HTR1A: variants seen among roughly 807,000 people sequenced by gnomAD.
The protein encoded by HTR1A is 5-hydroxytryptamine receptor 1A.
A neutral mutation model predicts 24.6 loss-of-function variants in HTR1A; 17 were observed. The ratio of observed to expected loss-of-function variants is 0.69; its 90% CI spans 0.47 to 1.04. The LOEUF is 1.04. HTR1A is among the 50% of genes least tolerant of loss of function. HTR1A has a pLI of 0.00. For synonymous variants in HTR1A, 262 were observed against 244.6 expected (o/e 1.07, Z -0.67); for missense variants, 515 against 565.1 (o/e 0.91, Z 0.90).
rs1194445501 is a variant in HTR1A at position 63,959,380 on chromosome 5, C to T, written c.*1071G>A. ...GCTTCAGGGCGCCCCAGAGCGTAGG[C>T]GGAGGAACCCAGATCCTGTAAGTCA... On this transcript the variant is annotated 3_prime_UTR_variant, in exon 1 of 1. Coordinates refer to ENST00000323865, the MANE Select transcript of HTR1A (RefSeq NM_000524.4). 6.6e-6 allele frequency among the ~76,000 whole-genome samples: 1 copy of T among 152,230 alleles called. No homozygotes were observed. The highest frequency in any genetic ancestry group is 2.4e-5 in the African/African-American group (1 of 41,464).
rs1746410931 is a variant in HTR1A at position 63,960,706 on chromosome 5, G to T, written c.1014C>A (p.Ala338=). 6.2e-7 allele frequency: 1 copy of T among 1,614,092 alleles called. No individual in the cohort carries two copies. The highest frequency in any genetic ancestry group is 1.7e-5 in the Admixed American group (1 of 60,014). ...NAEAKRKMAL[A]RERKTVKTLG... is the part of the protein sequence containing the mutation. The stretch of plus-strand genomic sequence containing the variant: ...GCGTCTTCACTGTCTTCCTCTCTCG[G>T]GCCAGGGCCATCTTGCGCTTCGCCT... The change falls in exon 1 of 1, where the codon GCC becomes GCA. Residue 338 remains alanine, a synonymous_variant. Coordinates refer to ENST00000323865, the MANE Select transcript of HTR1A (RefSeq NM_000524.4).
rs1191974494 is a variant in HTR1A, at chr5:63,960,053, G to T, written c.*398C>A. 6.6e-6 allele frequency among the ~76,000 whole-genome samples: 1 copy of T among 152,230 alleles called. No individual in the cohort carries two copies. Among genetic ancestry groups the T allele is most frequent in the Non-Finnish European group, 1.5e-5 (1 of 68,040 alleles). On this transcript the variant is annotated 3_prime_UTR_variant, in exon 1 of 1. Coordinates refer to ENST00000323865, the MANE Select transcript of HTR1A (RefSeq NM_000524.4). ...GGGTGATGGGGTGGAGCCCCTTAGT[G>T]GGCGCGGCGGCTGTGTGTACAGTTT...
In HTR1A at chr5:63,961,987, G is replaced by C; in HGVS notation, c.-268C>G. Reference sequence around the variant, plus strand: ...CCTGAAAGCAGCTCCAGGATCTCCCGGCGGCGGAGAGGTGGCTGGAACGTC... The same window carrying C: ...CCTGAAAGCAGCTCCAGGATCTCCCCGCGGCGGAGAGGTGGCTGGAACGTC... On this transcript the variant is annotated 5_prime_UTR_variant, in exon 1 of 1. Coordinates refer to ENST00000323865, the MANE Select transcript of HTR1A (RefSeq NM_000524.4). 1 of 548,228 alleles carries C rather than the reference G, an allele frequency of 1.8e-6. No individual in the cohort carries two copies. Among genetic ancestry groups the C allele is most frequent in the East Asian group, 3.2e-5 (1 of 31,718 alleles). The allele number at this position is 548,228 out of a possible 1,614,324, so 34.0% of individuals were successfully genotyped here.
rs764663330 is a variant in HTR1A, at chr5:63,961,629, C to T, written c.91G>A (p.Val31Met). Residue 31 changes from valine to methionine, a missense_variant, in exon 1 of 1, where the codon GTG becomes ATG. By Grantham distance (21) the Val-to-Met change is conservative (BLOSUM62 1). Coordinates refer to ENST00000323865, the MANE Select transcript of HTR1A (RefSeq NM_000524.4). ...GTGATCACTTGGTAGCTGACGGTCA[C>T]GTCGGAGATACCAGTAGTGTTGCCG... ...TGGNTTGISD[V>M]TVSYQVITSL... The T allele has an allele frequency of 1.2e-6, 2 of 1,613,822 alleles. No individual in the cohort carries two copies. The highest frequency in any genetic ancestry group is 2.7e-5 in the African/African-American group (2 of 74,956).
chr5:63,960,661 G>C lies in HTR1A; in HGVS notation c.1059C>G (p.Thr353=), dbSNP rs1746409826. Residue 353 remains threonine, a synonymous_variant, in exon 1 of 1, where the codon ACC becomes ACG. Transcript: ENST00000323865. ...TVKTLGIIMG[T]FILCWLPFFI... The stretch of plus-strand genomic sequence containing the variant: ...AGAAGGGCAGCCAGCAGAGGATGAA[G>C]GTGCCCATGATGATGCCCAGCGTCT... 2 of 1,614,262 alleles carry C rather than the reference G, an allele frequency of 1.2e-6. No individual in the cohort carries two copies. Among genetic ancestry groups the C allele is most frequent in the East Asian group, 4.5e-5 (2 of 44,880 alleles).
Position 63,961,222 on chromosome 5 carries a change from G to A in HTR1A, c.498C>T (p.Leu166=). 2.5e-6 allele frequency: 4 copies of A among 1,614,146 alleles called. No homozygotes were observed. Among genetic ancestry groups the A allele is most frequent in the Non-Finnish European group, 2.5e-6 (3 of 1,180,030 alleles). Residue 166 remains leucine (L), a synonymous_variant, in exon 1 of 1, where the codon CTC becomes CTT. Coordinates refer to ENST00000323865, the MANE Select transcript of HTR1A (RefSeq NM_000524.4). The part of the protein sequence containing the change: ...LISLTWLIGF[L]ISIPPMLGWR... ...AGCCCAGCATGGGCGGGATAGAGAT[G>A]AGGAAGCCAATAAGCCAAGTGAGCG...
Position 63,959,218 on chromosome 5 carries a change from C to G in HTR1A, c.*1233G>C, listed in dbSNP as rs765991952. Among the ~76,000 whole-genome samples, 23 of 152,344 alleles carry G rather than the reference C, an allele frequency of 1.5e-4. No individual in the cohort carries two copies. The highest frequency in any genetic ancestry group is 3.3e-4 in the Admixed American group (5 of 15,310). On this transcript the variant is annotated 3_prime_UTR_variant, in exon 1 of 1. Coordinates refer to ENST00000323865, the MANE Select transcript of HTR1A (RefSeq NM_000524.4). ...GGGGAGCCAGCTGGAGCCTTGGGCA[C>G]GCGCGCCCTGGGGAACCTTTCCTCT...
rs746833402 is a variant in HTR1A at position 63,961,573 on chromosome 5, G to A, written c.147C>T (p.Cys49=). Residue 49 remains cysteine (C), a synonymous_variant, in exon 1 of 1, where the codon TGC becomes TGT. Coordinates refer to ENST00000323865, the MANE Select transcript of HTR1A (RefSeq NM_000524.4). ...TSLLLGTLIF[C]AVLGNACVVA... Reference sequence around the variant, plus strand: ...CCACGCACGCATTGCCCAGCACCGCGCAGAAGATGAGCGTGCCCAGCAGCA... The same window carrying A: ...CCACGCACGCATTGCCCAGCACCGCACAGAAGATGAGCGTGCCCAGCAGCA... 1.9e-6 allele frequency: 3 copies of A among 1,614,192 alleles called. No individual in the cohort carries two copies. The highest frequency in any genetic ancestry group is 2.5e-6 in the Non-Finnish European group (3 of 1,180,044).
rs1326990714 is a variant in HTR1A, at chr5:63,958,387, G to C, written c.*2064C>G. Among the ~76,000 whole-genome samples the C allele has an allele frequency of 6.6e-6, 1 of 152,172 alleles. No homozygotes were observed. Among genetic ancestry groups the C allele is most frequent in the Admixed American group, 6.6e-5 (1 of 15,266 alleles). On this transcript the variant is annotated 3_prime_UTR_variant, in exon 1 of 1. Transcript: ENST00000323865. ...TTAGAATACAGAAGCAGACACCAAA[G>C]GAAAGCTTTGTTCAGTCTGACAAAC...
Position 63,961,786 on chromosome 5 carries a change from C to A in HTR1A, c.-67G>T. 1 of 1,517,776 alleles carries A rather than the reference C, an allele frequency of 6.6e-7. No homozygotes were observed. The allele number at this position is 1,517,776 out of a possible 1,614,324, so 94.0% of individuals were successfully genotyped here. A position where few individuals can be genotyped will look rare whatever the true frequency, so the allele number is the denominator to read the frequency against. On this transcript the variant is annotated 5_prime_UTR_variant, in exon 1 of 1. Transcript: ENST00000323865. ...AGCGCGAAGATTCGCCTCGCCCCTT[C>A]CCCTGGGGTCTTCCGCCCTTCTCCT...
At position 63,961,745 on chromosome 5, in the gene HTR1A, G is replaced by A. The variant is rs200648621; in HGVS notation, c.-26C>T. ...GCCTGCGCGCCCGGCGCGGGAAGGG[G>A]GAGGGAAGAAAAAGCAGCGCGAAGA... On this transcript the variant is annotated 5_prime_UTR_variant, in exon 1 of 1. Transcript: ENST00000323865. 4 of 1,613,222 alleles carry A rather than the reference G, an allele frequency of 2.5e-6. No homozygotes were observed. In the South Asian group the frequency reaches 4.4e-5, roughly 18 times the overall value.
At position 63,961,908 on chromosome 5, in the gene HTR1A, T is replaced by G. The variant is rs1036230932; in HGVS notation, c.-189A>C. On this transcript the variant is annotated 5_prime_UTR_variant, in exon 1 of 1. Coordinates refer to ENST00000323865, the MANE Select transcript of HTR1A (RefSeq NM_000524.4). ...CGAGGAGCAGCTTTCAGGCGCTCCC[T>G]GGGCTCTCGCAGTCCAGCGCGTTCA... The G allele has an allele frequency of 7.9e-6, 5 of 634,084 alleles. No individual in the cohort carries two copies. The Admixed American group carries it at 1.2e-4, about 15-fold the overall frequency. 39.3% of individuals were successfully genotyped at this position (634,084 alleles called of 1,614,324 possible).
chr5:63,960,726 T>A lies in HTR1A; in HGVS notation c.994A>T (p.Lys332Ter). The change falls in exon 1 of 1, where the codon AAG becomes TAG. Residue 332 changes from lysine to a stop codon, truncating the protein, a stop_gained. Coordinates refer to ENST00000323865, the MANE Select transcript of HTR1A (RefSeq NM_000524.4). LOFTEE classifies it high-confidence loss of function. ...TCTCGGGCCAGGGCCATCTTGCGCT[T>A]CGCCTCGGCGTTGCGCTCATTTTTC... ...ERKNERNAEA[K>*]RKMALARERK... 6.2e-7 allele frequency: 1 copy of A among 1,614,232 alleles called. No homozygotes were observed.
rs1799920 is a variant in HTR1A, at chr5:63,961,656, C to G, written c.64G>C (p.Gly22Arg). 4.3e-6 allele frequency: 7 copies of G among 1,613,734 alleles called. No homozygotes were observed. The highest frequency in any genetic ancestry group is 5.1e-6 in the Non-Finnish European group (6 of 1,180,052). The change falls in exon 1 of 1, where the codon GGC becomes CGC. Residue 22 changes from glycine to arginine, a missense_variant. Transcript: ENST00000323865. ...TTSPPAPFETGGNTTGISDVT... is the reference protein window; with the variant it reads ...TTSPPAPFETRGNTTGISDVT... ...TCGGAGATACCAGTAGTGTTGCCGC[C>G]GGTCTCAAAGGGAGCCGGTGGTGAT...
In HTR1A at chr5:63,960,215, C is replaced by T; in HGVS notation, c.*236G>A. ...CGAAGTCTGAGCCAATGTCGCTTCT[C>T]ACAAACTCTCTGAATTTCCTGGGCT... On this transcript the variant is annotated 3_prime_UTR_variant, in exon 1 of 1. Coordinates refer to ENST00000323865, the MANE Select transcript of HTR1A (RefSeq NM_000524.4). 1.7e-6 allele frequency: 1 copy of T among 592,018 alleles called. No individual in the cohort carries two copies. Among genetic ancestry groups the T allele is most frequent in the Admixed American group, 3.0e-5 (1 of 33,798 alleles). 36.7% of individuals were successfully genotyped at this position (592,018 alleles called of 1,614,324 possible). A position where few individuals can be genotyped will look rare whatever the true frequency, so the allele number is the denominator to read the frequency against.
Position 63,962,051 on chromosome 5 carries a change from T to G in HTR1A, c.-332A>C, listed in dbSNP as rs1746452149. ...CCATTTTACTTTGCCGCTCCCGAAC[T>G]GGCTGCCGGAGCTGGAGTCTCCCCA... is the stretch of plus-strand genomic sequence containing the variant. On this transcript the variant is annotated 5_prime_UTR_variant, in exon 1 of 1. Transcript: ENST00000323865. 4.6e-6 allele frequency: 2 copies of G among 430,198 alleles called. No individual in the cohort carries two copies. The highest frequency in any genetic ancestry group is 3.5e-5 in the Admixed American group (1 of 28,246). 26.6% of individuals were successfully genotyped at this position (430,198 alleles called of 1,614,324 possible). A position where few individuals can be genotyped will look rare whatever the true frequency, so the allele number is the denominator to read the frequency against.
At position 63,959,499 on chromosome 5, in the gene HTR1A, G is replaced by A. The variant is rs1746379422; in HGVS notation, c.*952C>T. 6.6e-6 allele frequency among the ~76,000 whole-genome samples: 1 copy of A among 152,244 alleles called. No individual in the cohort carries two copies. The highest frequency in any genetic ancestry group is 1.5e-5 in the Non-Finnish European group (1 of 68,040). On this transcript the variant is annotated 3_prime_UTR_variant, in exon 1 of 1. Transcript: ENST00000323865. Reference sequence around the variant, plus strand: ...TCAGCTTCCCCAGAGCGCAAACAGCGGCCGGCTGGCGCCTCCCGCAGTAAG... The same window carrying A: ...TCAGCTTCCCCAGAGCGCAAACAGCAGCCGGCTGGCGCCTCCCGCAGTAAG...
In HTR1A at chr5:63,960,134, T is replaced by C. The variant is rs932975756; in HGVS notation, c.*317A>G. On this transcript the variant is annotated 3_prime_UTR_variant, in exon 1 of 1. Coordinates refer to ENST00000323865, the MANE Select transcript of HTR1A (RefSeq NM_000524.4). ...AAGCATTAAACATCCACCGCAAAGA[T>C]TTAGGAGATAGAAGAGAGAAGAGGC... 1.3e-5 allele frequency among the ~76,000 whole-genome samples: 2 copies of C among 152,108 alleles called. No homozygotes were observed. The highest frequency in any genetic ancestry group is 4.8e-5 in the African/African-American group (2 of 41,420).
In HTR1A at chr5:63,960,649, G is replaced by A. The variant is rs1445667723; in HGVS notation, c.1071C>T (p.Cys357=). ...LGIIMGTFIL[C]WLPFFIVALV... ...GAGCCACGATGAAGAAGGGCAGCCA[G>A]CAGAGGATGAAGGTGCCCATGATGA... Residue 357 remains cysteine, a synonymous_variant, in exon 1 of 1, where the codon TGC becomes TGT. Coordinates refer to ENST00000323865, the MANE Select transcript of HTR1A (RefSeq NM_000524.4). 15 of 1,614,262 alleles carry A rather than the reference G, an allele frequency of 9.3e-6. No individual in the cohort carries two copies. Among genetic ancestry groups the A allele is most frequent in the Non-Finnish European group, 1.3e-5 (15 of 1,180,042 alleles).
Sources: gnomAD v4.1 joint callset for allele counts (sites outside exome capture counted in the v4.1 genomes callset) on GRCh38, gnomAD v4.1.1 for gene constraint, MANE v1.5 for transcripts, NCBI Gene and HGNC (gene_info 2026-07-23, HGNC 2026-07-21) for gene names.